The following CNTNAP2 variants were observed in gnomAD, a reference collection of about 807,000 sequenced individuals.
The protein encoded by CNTNAP2 is contactin associated protein 2.
A neutral mutation model predicts 155.2 loss-of-function variants in CNTNAP2; 98 were observed. That is an observed-to-expected ratio of 0.63 (90% CI 0.54 to 0.75). The LOEUF is 0.75. Ranked by LOEUF, CNTNAP2 falls within the 30% of genes least tolerant of loss-of-function variation. The probability of loss-of-function intolerance (pLI) is 0.00; values close to 1 mark genes in which losing one functional copy is unlikely to be tolerated. For missense variants in CNTNAP2, 1,727 were observed against 1,688.1 expected (o/e 1.02, Z -0.40); for synonymous variants, 651 against 631.2 (o/e 1.03, Z -0.47).
At chr7:147,450,305 C>A (rs1378300057) in intron 10 of CNTNAP2, among the ~76,000 whole-genome samples, 3 of 152,086 alleles carry the variant, frequency 2.0e-5, no homozygotes, top group Admixed American at 2.0e-4. Context: ...AGAAAGTGGC[C>A]CTGTCTGGCT....
intron 1 of CNTNAP2, among the ~76,000 whole-genome samples, chr7:146,759,641 C>G (rs1480426898): frequency 7.9e-6 from 1 of 126,664 alleles, no homozygotes; most frequent in Non-Finnish European, 1.6e-5. Context: ...GAGCTGAGAT[C>G]ACGCCACAGC....
At chr7:147,253,142 T>C (rs1804238096) in intron 8 of CNTNAP2, among the ~76,000 whole-genome samples, 1 of 152,200 alleles carries the variant, frequency 6.6e-6, no homozygotes, top group Admixed American at 6.5e-5. Flanking sequence ...TTTTCTTACA[T>C]AGTATTGGCT....
At chr7:146,674,367 T>C (rs1220582668) in intron 1 of CNTNAP2, among the ~76,000 whole-genome samples, 1 of 152,190 alleles carries the variant, frequency 6.6e-6, no homozygotes, top group Non-Finnish European at 1.5e-5. Flanking sequence ...GTAGATAGCA[T>C]TTATCTAATT....
At chr7:147,932,534 C>T (rs1800525287) in intron 14 of CNTNAP2, among the ~76,000 whole-genome samples, 1 of 152,190 alleles carries the variant, frequency 6.6e-6, no homozygotes, top group South Asian at 2.1e-4. Flanking sequence ...TAAACCCTTA[C>T]TGTACACCAT....
At chr7:148,028,887 G>A (rs572759053) in intron 15 of CNTNAP2, among the ~76,000 whole-genome samples, 4 of 152,068 alleles carry the variant, frequency 2.6e-5, no homozygotes, top group Non-Finnish European at 4.4e-5. Context: ...CCTATTCCTG[G>A]AACACAAGTC....
intron 21 of CNTNAP2, among the ~76,000 whole-genome samples, chr7:148,268,629 T>C (rs1018808459): frequency 6.1e-5 from 9 of 147,750 alleles, no homozygotes; most frequent in Non-Finnish European, 1.0e-4. Flanking sequence ...CACCCCAGCC[T>C]GGGCGACAGA....
intron 15 of CNTNAP2, among the ~76,000 whole-genome samples, chr7:148,011,121 T>C (rs1802073812): frequency 6.6e-6 from 1 of 152,134 alleles, no homozygotes; most frequent in Non-Finnish European, 1.5e-5. Flanking sequence ...AATGTAAAAG[T>C]CAATAGCTTC....
chr7:147,313,418 C>T (rs2116801081), intron 9 of CNTNAP2, among the ~76,000 whole-genome samples: 1 of 151,168 alleles, frequency 6.6e-6, no homozygotes, highest in Non-Finnish European at 1.5e-5. Context: ...AGTCTTTAAT[C>T]CATCTTGAAT....
At chr7:147,329,430 C>A (rs974633543) in intron 9 of CNTNAP2, among the ~76,000 whole-genome samples, 1 of 151,608 alleles carries the variant, frequency 6.6e-6, no homozygotes, top group Non-Finnish European at 1.5e-5. Context: ...GATAAAAGAT[C>A]CAGTTTTTTA....
chr7:146,930,367 C>A (rs922777920), intron 3 of CNTNAP2, among the ~76,000 whole-genome samples: 30 of 152,110 alleles, frequency 2.0e-4, no homozygotes, highest in South Asian at 6.2e-4. Flanking sequence ...GAAATAAAAT[C>A]CTTTACAGAC....
chr7:147,796,496 T>C (rs1797896526), intron 13 of CNTNAP2, among the ~76,000 whole-genome samples: 1 of 151,812 alleles, frequency 6.6e-6, no homozygotes, highest in East Asian at 1.9e-4. Flanking sequence ...AATGAGGTTC[T>C]GTTTGCTAAG....
At chr7:147,334,562 G>C (rs1002009827) in intron 9 of CNTNAP2, among the ~76,000 whole-genome samples, 1 of 152,152 alleles carries the variant, frequency 6.6e-6, no homozygotes, top group African/African-American at 2.4e-5. Context: ...AGTGGGTTTG[G>C]TTATGTTCTT....
At position 147,253,660 on chromosome 7, in the gene CNTNAP2, C is replaced by T. The variant is rs1804254311; in HGVS notation, c.1349-46481C>T. 2.0e-5 allele frequency among the ~76,000 whole-genome samples: 3 copies of T among 152,118 alleles called. No individual in the cohort carries two copies. The South Asian group carries it at 6.2e-4, about 31-fold the overall frequency. ...AAACTGTTTCTTCCAGTTTGGGAGG[C>T]TCCAAAGTGAATCCCGTGATCTTAG... On this transcript the variant is annotated intron_variant, in intron 8 of 23. Coordinates refer to ENST00000361727, the MANE Select transcript of CNTNAP2 (RefSeq NM_014141.6).
At chr7:148,252,215 C>A (rs562680268) in intron 20 of CNTNAP2, among the ~76,000 whole-genome samples, 1 of 152,286 alleles carries the variant, frequency 6.6e-6, no homozygotes, top group Non-Finnish European at 1.5e-5. Flanking sequence ...TCTTTTCATC[C>A]CTTAATACAT....
At chr7:146,348,348 C>A (rs1563049603) in intron 1 of CNTNAP2, among the ~76,000 whole-genome samples, 1 of 152,098 alleles carries the variant, frequency 6.6e-6, no homozygotes, top group Non-Finnish European at 1.5e-5. Flanking sequence ...TCGCTTGAAC[C>A]TGGGAAGTGA....
intron 10 of CNTNAP2, among the ~76,000 whole-genome samples, chr7:147,401,238 C>T (rs991279362): frequency 3.7e-4 from 57 of 152,070 alleles, no homozygotes; most frequent in African/African-American, 1.4e-3. Flanking sequence ...GTAAACATCC[C>T]AGATAACACA....
chr7:146,465,287 T>C (rs1796701798), intron 1 of CNTNAP2, among the ~76,000 whole-genome samples: 1 of 152,164 alleles, frequency 6.6e-6, no homozygotes, highest in African/African-American at 2.4e-5. Flanking sequence ...GTTTGTTTTT[T>C]TAAAGGGATT....
At chr7:147,578,861 C>T (rs115331502) in intron 12 of CNTNAP2, among the ~76,000 whole-genome samples, 17,446 of 151,814 alleles carry the variant, frequency 0.11, 2,471 homozygotes, top group African/African-American at 0.34. Flanking sequence ...CGTCTTTTGC[C>T]TTCTCTAAGC....
At chr7:147,272,749 C>A (rs779943242) in intron 8 of CNTNAP2, among the ~76,000 whole-genome samples, 1 of 150,952 alleles carries the variant, frequency 6.6e-6, no homozygotes, top group African/African-American at 2.4e-5. Flanking sequence ...CATCATGATC[C>A]ACCCGCCTTG....
Sources: gnomAD v4.1 joint callset for allele counts (sites outside exome capture counted in the v4.1 genomes callset) on GRCh38, gnomAD v4.1.1 for gene constraint, MANE v1.5 for transcripts, NCBI Gene and HGNC (gene_info 2026-07-23, HGNC 2026-07-21) for gene names.